The following HMCN1 variants were observed in gnomAD, a reference collection of about 807,000 sequenced individuals.
HMCN1 encodes the protein hemicentin 1, also known as hemicentin-1.
Under a neutral mutation model 625.9 loss-of-function variants are expected in HMCN1, and 321 were observed. That is an observed-to-expected ratio of 0.51 (90% CI 0.47 to 0.56). The LOEUF (loss-of-function observed/expected upper bound fraction) is 0.56, where lower values mean the gene tolerates loss of function less well. Among genes scored for constraint, HMCN1 ranks in the 20% least tolerant of loss-of-function variants. The probability of loss-of-function intolerance (pLI) is 0.00; values close to 1 mark genes in which losing one functional copy is unlikely to be tolerated. For synonymous variants in HMCN1, 2,425 were observed against 2,417.6 expected, an observed-to-expected ratio of 1.00 and a Z score of -0.09; for missense variants, 6,588 against 6,887.3, an observed-to-expected ratio of 0.96 and a Z score of 1.54.
intron 101 of HMCN1, 41 bp downstream of exon 101, chr1:186,171,491 T>C (rs774102042): frequency 7.3e-7 from 1 of 1,375,370 alleles, no homozygotes; most frequent in East Asian, 2.3e-5. Context: ...GACACCTCTA[T>C]AACTTCTTAA....
At chr1:186,011,173 G>C (rs941794648) in intron 30 of HMCN1, among the ~76,000 whole-genome samples, 1 of 152,182 alleles carries the variant, frequency 6.6e-6, no homozygotes, top group South Asian at 2.1e-4. Context: ...AGCTTCCCGA[G>C]TAGCTGGGAT....
Position 185,984,308 on chromosome 1 carries a change from T to G in HMCN1, c.2930T>G (p.Val977Gly). ...GTNNKTTSVV[V>G]HVLPTIQHGQ... ...AATAACAAAACTACCTCTGTGGTTGTGCATGGTAAGAGACACACCCAATGT... is the reference window on the plus strand; with the variant it reads ...AATAACAAAACTACCTCTGTGGTTGGGCATGGTAAGAGACACACCCAATGT... The change falls in exon 19 of 107, where the codon GTG becomes GGG. Residue 977 changes from valine to glycine, a missense_variant. Physicochemically the swap from Val to Gly is moderately radical, Grantham distance 109. Transcript: ENST00000271588. The G allele has an allele frequency of 6.2e-7, 1 of 1,613,998 alleles. No homozygotes were observed. Among genetic ancestry groups the G allele is most frequent in the Non-Finnish European group, 8.5e-7 (1 of 1,179,912 alleles).
rs745699312 is a variant in HMCN1, at chr1:186,174,603, A to G, written c.15904A>G (p.Arg5302Gly). Residue 5302 changes from arginine (R) to glycine (G), a missense_variant, in exon 103 of 107, where the codon AGA becomes GGA. Transcript: ENST00000271588. ...AGGCAGCTATCGTTGTGTATGCCCA[A>G]GAGGTTATCGGTCTCAAGGAGTTGG... is the stretch of plus-strand genomic sequence containing the variant. ...TRGSYRCVCP[R>G]GYRSQGVGRP... 14 of 1,613,916 alleles carry G rather than the reference A, an allele frequency of 8.7e-6. No individual in the cohort carries two copies. The highest frequency in any genetic ancestry group is 2.7e-5 in the African/African-American group (2 of 74,944).
At chr1:186,174,432 T>G (rs1652432312) in intron 102 of HMCN1, 82 bp from the exon 103 acceptor site, 9 of 1,539,732 alleles carry the variant, frequency 5.8e-6, no homozygotes, top group Non-Finnish European at 8.1e-6. Context: ...CCTTTGGCAA[T>G]TCTACAGAAT....
At position 186,015,441 on chromosome 1, in the gene HMCN1, A is replaced by AG; in HGVS notation, c.4909+6dup. The AG allele has an allele frequency of 1.9e-6, 3 of 1,612,448 alleles. No homozygotes were observed. The highest frequency in any genetic ancestry group is 2.5e-6 in the Non-Finnish European group (3 of 1,178,790). ...TCATTCCATGTGGATGTCTATGGTGAGGAACAACATATGCTTTAATTATAT... is the reference window on the plus strand; with the variant it reads ...TCATTCCATGTGGATGTCTATGGTGAGGGAACAACATATGCTTTAATTATAT... On this transcript the variant is annotated splice_donor_region_variant and intron_variant, in intron 31 of 106. Transcript: ENST00000271588.
rs569566960 is a variant in HMCN1 at position 186,137,691 on chromosome 1, T to C, written c.13753+23T>C. 2.7e-5 allele frequency: 44 copies of C among 1,614,022 alleles called. No individual in the cohort carries two copies. In the African/African-American group the frequency reaches 4.5e-4, roughly 17 times the overall value. The stretch of plus-strand genomic sequence containing the variant: ...CAGGTACACCTCCTTATTTAACTGA[T>C]AGGCATGTGTTTAATAGACCTTCAT... On this transcript the variant is annotated intron_variant, in intron 88 of 106. Transcript: ENST00000271588.
At chr1:185,806,494 T>C (rs574056882) in intron 1 of HMCN1, among the ~76,000 whole-genome samples, 2 of 148,952 alleles carry the variant, frequency 1.3e-5, no homozygotes, top group Admixed American at 6.8e-5. Flanking sequence ...CTTCAGTGAG[T>C]TGTGATCATG....
intron 14 of HMCN1, among the ~76,000 whole-genome samples, chr1:185,969,992 T>C (rs924096875): frequency 3.3e-5 from 5 of 152,202 alleles, no homozygotes; most frequent in African/African-American, 1.2e-4. Flanking sequence ...AAATGCATCC[T>C]GCCACAAAGA....
chr1:185,841,109 A>G (rs1661449647), intron 1 of HMCN1, among the ~76,000 whole-genome samples: 1 of 152,214 alleles, frequency 6.6e-6, no homozygotes, highest in Non-Finnish European at 1.5e-5. Flanking sequence ...TCTTAAGTAC[A>G]ACCCAGCAAG....
At chr1:185,963,672 A>G (rs1047258603) in intron 12 of HMCN1, 96 bp from the exon 13 acceptor site, 23 of 943,448 alleles carry the variant, frequency 2.4e-5, no homozygotes, top group Non-Finnish European at 3.6e-5. Context: ...ATAACTCTAC[A>G]ACGTTTGAAA....
At chr1:186,178,878 C>T (rs184946154) in intron 104 of HMCN1, 112 bp downstream of exon 104, 10 of 801,762 alleles carry the variant, frequency 1.2e-5, no homozygotes, top group East Asian at 5.1e-5. Flanking sequence ...ATCTCAAGTT[C>T]GGAATGACTC....
At position 186,129,970 on chromosome 1, in the gene HMCN1, C is replaced by G. The variant is rs1366886528; in HGVS notation, c.12909C>G (p.His4303Gln). 1 of 1,612,856 alleles carries G rather than the reference C, an allele frequency of 6.2e-7. No homozygotes were observed. The highest frequency in any genetic ancestry group is 2.2e-5 in the East Asian group (1 of 44,846). The change falls in exon 84 of 107, where the codon CAC (histidine) becomes CAG (glutamine). Residue 4303 changes from histidine to glutamine, a missense_variant. Around this residue, in one of 3 missense-constraint regions of HMCN1, gnomAD observed 1,954 missense variants for 2,013.1 expected, o/e 0.97. Transcript: ENST00000271588. ...WTFNNNIIPAHFDSVNGHSEL... is the reference protein window; with the variant it reads ...WTFNNNIIPAQFDSVNGHSEL... ...GTTGTTTCTTGTTTCCCTCAGCCCA[C>G]TTTGACAGTGTGAATGGACACAGTG...
rs548177692 is a variant in HMCN1 at position 185,801,815 on chromosome 1, G to A, written c.269-44211G>A. On this transcript the variant is annotated intron_variant, in intron 1 of 106. Coordinates refer to ENST00000271588, the MANE Select transcript of HMCN1 (RefSeq NM_031935.3). ...GAGGGAGTTAAGGATGGCTGGAGGC[G>A]TAGGTAGAAACTAGACCATGCAAGG... Among the ~76,000 whole-genome samples the A allele has an allele frequency of 5.3e-5, 8 of 152,282 alleles. No individual in the cohort carries two copies. The East Asian group carries it at 7.7e-4, about 15-fold the overall frequency.
intron 9 of HMCN1, among the ~76,000 whole-genome samples, chr1:185,926,136 T>C (rs1667265058): frequency 6.6e-6 from 1 of 152,258 alleles, no homozygotes; most frequent in Non-Finnish European, 1.5e-5. Flanking sequence ...CCTTTTAACT[T>C]ACTGTGAAAC....
chr1:186,160,521 A>C (rs1207789928), intron 97 of HMCN1, among the ~76,000 whole-genome samples: 23 of 151,066 alleles, frequency 1.5e-4, no homozygotes, highest in Non-Finnish European at 1.8e-4. Flanking sequence ...TTAGGGTGTC[A>C]ATTTTGGATC....
intron 1 of HMCN1, among the ~76,000 whole-genome samples, chr1:185,767,130 G>A (rs555303049): frequency 1.1e-4 from 16 of 152,118 alleles, no homozygotes; most frequent in African/African-American, 3.9e-4. Flanking sequence ...ACTTTATGCA[G>A]TTAATTTCAG....
chr1:186,081,076 G>A (rs1659140956), intron 55 of HMCN1, 131 bp from the exon 56 acceptor site: 4 of 798,268 alleles, frequency 5.0e-6, no homozygotes, highest in Non-Finnish European at 9.0e-6. Flanking sequence ...GTTACCTGGG[G>A]ATCATATAGT....
At chr1:186,126,062 G>A (rs1661627984) in intron 82 of HMCN1, among the ~76,000 whole-genome samples, 1 of 152,022 alleles carries the variant, frequency 6.6e-6, no homozygotes, top group South Asian at 2.1e-4. Context: ...TTAAGTGCCA[G>A]TGCTATATTC....
Position 186,130,503 on chromosome 1 carries a change from C to G in HMCN1, c.13040-4C>G. ...CTTTGTACCTGTCTTATGTTGTTTT[C>G]CAGAACCTCCAGTCTTCAAAGGTGA... On this transcript the variant is annotated splice_polypyrimidine_tract_variant and splice_region_variant and intron_variant, in intron 84 of 106. Transcript: ENST00000271588. 2 of 1,612,756 alleles carry G rather than the reference C, an allele frequency of 1.2e-6. No homozygotes were observed. The highest frequency in any genetic ancestry group is 2.2e-5 in the South Asian group (2 of 91,064).
Sources: allele counts gnomAD v4.1 joint callset (sites outside exome capture counted in the v4.1 genomes callset), GRCh38; gene constraint gnomAD v4.1.1; regional missense constraint gnomAD v4.1.1; transcripts MANE v1.5; gene names NCBI Gene and HGNC (gene_info 2026-07-23, HGNC 2026-07-21).